Variants in TESC observed in about 807,000 individuals in gnomAD.
TESC encodes calcineurin B homologous protein 3.
In TESC, 19 loss-of-function variants were observed where a neutral mutation model predicts 31.0. That is an observed-to-expected ratio of 0.61 (90% CI 0.43 to 0.90). The LOEUF (loss-of-function observed/expected upper bound fraction) is 0.90, where lower values mean the gene tolerates loss of function less well. TESC is among the 40% of genes least tolerant of loss of function. TESC has a pLI of 0.00. For synonymous variants in TESC, 109 were observed against 114.8 expected (o/e 0.95, Z 0.32); for missense variants, 248 against 303.8 (o/e 0.82, Z 1.36).
intron 1 of TESC, among the ~76,000 whole-genome samples, chr12:117,085,097 G>C (rs542938735): frequency 3.3e-4 from 50 of 152,260 alleles, no homozygotes; most frequent in Non-Finnish European, 6.5e-4. Flanking sequence ...CACGGGGATG[G>C]GAGCAGGAGG....
chr12:117,045,460 G>A (rs1451998779), intron 6 of TESC, among the ~76,000 whole-genome samples: 1 of 152,246 alleles, frequency 6.6e-6, no homozygotes, highest in Non-Finnish European at 1.5e-5. Context: ...CCGACAACCC[G>A]GCGGGGGATC....
intron 6 of TESC, among the ~76,000 whole-genome samples, chr12:117,042,511 C>T (rs1954499356): frequency 6.6e-6 from 1 of 152,260 alleles, no homozygotes; most frequent in South Asian, 2.1e-4. Flanking sequence ...AAACACAGGG[C>T]CAGCCTGTGA....
chr12:117,042,797 T>C (rs557565132), intron 6 of TESC, among the ~76,000 whole-genome samples: 19 of 152,252 alleles, frequency 1.2e-4, no homozygotes, highest in African/African-American at 3.6e-4. Context: ...TGCCCGTCAA[T>C]AGAAGGCGAG....
chr12:117,044,591 G>A (rs1347597315), intron 6 of TESC, among the ~76,000 whole-genome samples: 1 of 152,170 alleles, frequency 6.6e-6, no homozygotes, highest in East Asian at 1.9e-4. Context: ...GTGACCTCCT[G>A]AGAAAGCACT....
At chr12:117,059,021 C>T (rs1357318361) in intron 2 of TESC, among the ~76,000 whole-genome samples, 3 of 152,174 alleles carry the variant, frequency 2.0e-5, no homozygotes, top group Non-Finnish European at 2.9e-5. Context: ...AGCACACAGG[C>T]TGGTGATCCT....
rs774223841 is a variant in TESC, at chr12:117,046,723, G to A, written c.411+54C>T. ...TTGGGCCTCCATCAGGGTCGTGGGG[G>A]GCAGAGGGGGAAGGCACCAGGAGCC... On this transcript the variant is annotated intron_variant, in intron 5 of 7. Coordinates refer to ENST00000335209, the MANE Select transcript of TESC (RefSeq NM_017899.4). 30 of 1,553,288 alleles carry A rather than the reference G, an allele frequency of 1.9e-5. No homozygotes were observed. In the South Asian group the frequency reaches 3.6e-4, roughly 18 times the overall value.
intron 3 of TESC, among the ~76,000 whole-genome samples, chr12:117,053,122 C>T (rs149401289): frequency 1.6e-4 from 25 of 152,322 alleles, no homozygotes; most frequent in African/African-American, 5.5e-4. Context: ...CAACGTCCAA[C>T]TTCTGGACAC....
At chr12:117,094,121 G>A (rs1353947679) in intron 1 of TESC, among the ~76,000 whole-genome samples, 2 of 152,154 alleles carry the variant, frequency 1.3e-5, no homozygotes, top group Admixed American at 6.5e-5. Context: ...TCACACCCCC[G>A]GGACGCCTTC....
chr12:117,041,860 C>A (rs1390770645), intron 7 of TESC, 87 bp downstream of exon 7: 5 of 1,355,388 alleles, frequency 3.7e-6, no homozygotes, highest in South Asian at 1.5e-5. Context: ...CTTGCTACTG[C>A]AGGTAAAGAG....
At chr12:117,039,279 T>C in intron 7 of TESC, 69 bp from the exon 8 acceptor site, 18 of 1,465,840 alleles carry the variant, frequency 1.2e-5, no homozygotes, top group Non-Finnish European at 1.7e-5. Context: ...GGCCCCCCGG[T>C]CCTCGGCCCT....
chr12:117,056,346 T>G (rs1006027539), intron 3 of TESC, among the ~76,000 whole-genome samples: 1 of 139,412 alleles, frequency 7.2e-6, no homozygotes, highest in Non-Finnish European at 1.5e-5. Flanking sequence ...CGTGAGCCAC[T>G]GTGCCCAGCC....
intron 3 of TESC, among the ~76,000 whole-genome samples, chr12:117,051,374 T>A (rs969005828): frequency 6.6e-6 from 1 of 152,172 alleles, no homozygotes; most frequent in Non-Finnish European, 1.5e-5. Flanking sequence ...AAGTCTGGAT[T>A]AGGGAAGGCG....
chr12:117,090,902 G>T (rs1955297239), intron 1 of TESC, among the ~76,000 whole-genome samples: 1 of 152,156 alleles, frequency 6.6e-6, no homozygotes. Flanking sequence ...GGCCTCTGCA[G>T]CCCACCTTTG....
intron 2 of TESC, among the ~76,000 whole-genome samples, chr12:117,064,607 G>A (rs547913531): frequency 1.6e-4 from 25 of 152,340 alleles, no homozygotes; most frequent in African/African-American, 5.5e-4. Flanking sequence ...CCCTTACGGG[G>A]AATCTAGGAG....
chr12:117,079,485 C>G (rs1337743559), intron 1 of TESC, among the ~76,000 whole-genome samples: 1 of 152,020 alleles, frequency 6.6e-6, no homozygotes, highest in East Asian at 1.9e-4. Context: ...TCACTTGAAC[C>G]CGGGAGGCGG....
At chr12:117,047,683 C>T (rs1294186900) in intron 4 of TESC, among the ~76,000 whole-genome samples, 2 of 152,028 alleles carry the variant, frequency 1.3e-5, no homozygotes, top group Non-Finnish European at 2.9e-5. Flanking sequence ...CTCAGCCTCC[C>T]AAAGTGCTGG....
rs538721198 is a variant in TESC, at chr12:117,090,828, C to T, written c.58+8397G>A. ...TCAGGGTTCTCTGATCATTGGGATT[C>T]TGGCACAGGTGCTCAGGAGGAGCTT... is the stretch of plus-strand genomic sequence containing the variant. On this transcript the variant is annotated intron_variant, in intron 1 of 7. Coordinates refer to ENST00000335209, the MANE Select transcript of TESC (RefSeq NM_017899.4). Among the ~76,000 whole-genome samples the T allele has an allele frequency of 5.3e-5, 8 of 152,316 alleles. No individual in the cohort carries two copies. The South Asian group carries it at 1.7e-3, about 32-fold the overall frequency.
chr12:117,056,349 G>A (rs1014680539), intron 3 of TESC, among the ~76,000 whole-genome samples: 4 of 139,024 alleles, frequency 2.9e-5, no homozygotes, highest in African/African-American at 1.2e-4. Flanking sequence ...GAGCCACTGT[G>A]CCCAGCCTTA....
intron 3 of TESC, among the ~76,000 whole-genome samples, chr12:117,052,604 G>C (rs1449851603): frequency 1.3e-5 from 2 of 152,086 alleles, no homozygotes; most frequent in East Asian, 3.9e-4. Context: ...GACCTATAGG[G>C]GAGGCTCTCA....
Sources: allele counts gnomAD v4.1 joint callset (sites outside exome capture counted in the v4.1 genomes callset), GRCh38; gene constraint gnomAD v4.1.1; transcripts MANE v1.5; gene names NCBI Gene and HGNC (gene_info 2026-07-23, HGNC 2026-07-21).